Variants in EIF2S2 observed in about 807,000 individuals in gnomAD.
The protein encoded by EIF2S2 is eukaryotic translation initiation factor 2 subunit 2.
Under a neutral mutation model 44.0 loss-of-function variants are expected in EIF2S2, and 4 were observed. The observed-to-expected ratio is 0.09, with a 90% CI of 0.04 to 0.21. The LOEUF (loss-of-function observed/expected upper bound fraction) is 0.21, where lower values mean the gene tolerates loss of function less well. EIF2S2 is among the 10% of genes least tolerant of loss of function. EIF2S2 has a pLI of 1.00. For synonymous variants in EIF2S2, 108 were observed against 128.3 expected (o/e 0.84, Z 1.07); for missense variants, 154 against 392.0 (o/e 0.39, Z 5.13).
intron 4 of EIF2S2, among the ~76,000 whole-genome samples, chr20:34,098,296 G>T (rs577207063): frequency 6.6e-6 from 1 of 151,486 alleles, no homozygotes; most frequent in South Asian, 2.1e-4. Flanking sequence ...GCCTGAATCA[G>T]TATGTTTTTA....
intron 3 of EIF2S2, among the ~76,000 whole-genome samples, chr20:34,098,959 T>C (rs967999255): frequency 3.3e-5 from 5 of 152,220 alleles, no homozygotes; most frequent in African/African-American, 7.2e-5. Context: ...ACTCTGCCAT[T>C]TGAACTGTGA....
Position 34,089,632 on chromosome 20 carries a change from T to C in EIF2S2, c.*98A>G. 1.4e-6 allele frequency: 2 copies of C among 1,395,254 alleles called. No homozygotes were observed. Among genetic ancestry groups the C allele is most frequent in the Non-Finnish European group, 1.9e-6 (2 of 1,048,482 alleles). The allele number at this position is 1,395,254 out of a possible 1,614,324, so 86.4% of individuals were successfully genotyped here. A position where few individuals can be genotyped will look rare whatever the true frequency, so the allele number is the denominator to read the frequency against. On this transcript the variant is annotated 3_prime_UTR_variant, in exon 9 of 9. Coordinates refer to ENST00000374980, the MANE Select transcript of EIF2S2 (RefSeq NM_003908.5). Reference sequence around the variant, plus strand: ...CACTCGCCAAAAATCTTGGCAGCTTTTTTATCTTGTTTTTAATACAACGGT... The same window carrying C: ...CACTCGCCAAAAATCTTGGCAGCTTCTTTATCTTGTTTTTAATACAACGGT...
intron 3 of EIF2S2, among the ~76,000 whole-genome samples, chr20:34,101,675 C>CTTTTT (rs891453441): frequency 7.6e-6 from 1 of 132,424 alleles, no homozygotes; most frequent in African/African-American, 2.8e-5. Context: ...AAGTATTTTT[C>CTTTTT]TTTTTTTTTT....
chr20:34,111,998 G>A, intron 1 of EIF2S2, 98 bp downstream of exon 1: 1 of 1,261,754 alleles, frequency 7.9e-7, no homozygotes, highest in Non-Finnish European at 1.0e-6. Context: ...TCACATGGCG[G>A]CGGCCGGCTG....
chr20:34,105,906 AG>A (rs2034344135), intron 1 of EIF2S2, among the ~76,000 whole-genome samples: 1 of 152,168 alleles, frequency 6.6e-6, no homozygotes, highest in Admixed American at 6.5e-5. Context: ...ACAATACCTA[AG>A]CGGGGTGTAA....
chr20:34,091,232 TACCATGTAC>T (rs1170085982), intron 7 of EIF2S2, among the ~76,000 whole-genome samples: 1 of 152,252 alleles, frequency 6.6e-6, no homozygotes, highest in East Asian at 1.9e-4. Flanking sequence ...TACTGCATCA[TACCATGTAC>T]AAAGCAAGGC....
chr20:34,112,216 G>T lies in EIF2S2; in HGVS notation c.-106C>A. The T allele has an allele frequency of 8.0e-7, 1 of 1,252,734 alleles. No individual in the cohort carries two copies. Among genetic ancestry groups the T allele is most frequent in the South Asian group, 1.7e-5 (1 of 58,694 alleles). The allele number at this position is 1,252,734 out of a possible 1,614,324, so 77.6% of individuals were successfully genotyped here. On this transcript the variant is annotated 5_prime_UTR_variant, in exon 1 of 9. Coordinates refer to ENST00000374980, the MANE Select transcript of EIF2S2 (RefSeq NM_003908.5). Reference sequence around the variant, plus strand: ...CGATACCTCTCCCACCACCGCACTAGGCTCTTGCATCAGCGAAAGGAAACG... The same window carrying T: ...CGATACCTCTCCCACCACCGCACTATGCTCTTGCATCAGCGAAAGGAAACG...
Position 34,112,211 on chromosome 20 carries a change from C to T in EIF2S2, c.-101G>A, listed in dbSNP as rs916868288. 3.1e-6 allele frequency: 4 copies of T among 1,288,740 alleles called. No homozygotes were observed. Among genetic ancestry groups the T allele is most frequent in the East Asian group, 6.0e-5 (2 of 33,576 alleles). 79.8% of individuals were successfully genotyped at this position (1,288,740 alleles called of 1,614,324 possible). A position where few individuals can be genotyped will look rare whatever the true frequency, so the allele number is the denominator to read the frequency against. ...CCTGCCGATACCTCTCCCACCACCG[C>T]ACTAGGCTCTTGCATCAGCGAAAGG... On this transcript the variant is annotated 5_prime_UTR_variant, in exon 1 of 9. Coordinates refer to ENST00000374980, the MANE Select transcript of EIF2S2 (RefSeq NM_003908.5).
intron 8 of EIF2S2, among the ~76,000 whole-genome samples, chr20:34,090,180 C>T (rs2034147013): frequency 1.3e-5 from 2 of 152,226 alleles, no homozygotes; most frequent in Non-Finnish European, 2.9e-5. Flanking sequence ...AGGAGAGCCA[C>T]TCAAACATGT....
chr20:34,093,807 G>A, intron 6 of EIF2S2, 76 bp from the exon 7 acceptor site: 1 of 1,278,124 alleles, frequency 7.8e-7, no homozygotes, highest in East Asian at 2.5e-5. Flanking sequence ...TCTGTTCATT[G>A]TTTTGATCTG....
rs1036443654 is a variant in EIF2S2 at position 34,088,812 on chromosome 20, G to A, written c.*918C>T. The A allele has an allele frequency of 6.6e-6, 1 of 152,144 alleles. No homozygotes were observed. The highest frequency in any genetic ancestry group is 1.5e-5 in the Non-Finnish European group (1 of 68,020). The allele number at this position is 152,144 out of a possible 1,614,324, so 9.4% of individuals were successfully genotyped here. A position where few individuals can be genotyped will look rare whatever the true frequency, so the allele number is the denominator to read the frequency against. On this transcript the variant is annotated 3_prime_UTR_variant, in exon 9 of 9. Coordinates refer to ENST00000374980, the MANE Select transcript of EIF2S2 (RefSeq NM_003908.5). ...GTTTCTCATGGTCATATTCAAAAGC[G>A]ACTTTTAAATCAGAAAATAGAAAAA...
At chr20:34,103,873 A>T (rs1273292011) in intron 2 of EIF2S2, among the ~76,000 whole-genome samples, 1 of 151,788 alleles carries the variant, frequency 6.6e-6, no homozygotes, top group African/African-American at 2.4e-5. Context: ...TGCCCAGCAA[A>T]TTTTTTGTAT....
intron 3 of EIF2S2, among the ~76,000 whole-genome samples, chr20:34,101,567 A>G (rs1350190718): frequency 6.6e-6 from 1 of 152,198 alleles, no homozygotes; most frequent in African/African-American, 2.4e-5. Flanking sequence ...GTTAGCATAC[A>G]CTAGCCAACT....
intron 1 of EIF2S2, 142 bp downstream of exon 1, chr20:34,111,953 GC>G: frequency 6.3e-6 from 6 of 948,842 alleles, no homozygotes; most frequent in Non-Finnish European, 8.4e-6. Flanking sequence ...GTCCTCGCCG[GC>G]TCTGCCGCTC....
intron 6 of EIF2S2, 26 bp from the exon 7 acceptor site, chr20:34,093,757 A>G (rs1164396021): frequency 3.2e-6 from 5 of 1,569,286 alleles, no homozygotes; most frequent in Non-Finnish European, 3.5e-6. Flanking sequence ...AAATATATAA[A>G]CCTTATCTCT....
rs2122386554 is a variant in EIF2S2, at chr20:34,090,502, G to T, written c.826+15C>A. 2 of 1,438,912 alleles carry T rather than the reference G, an allele frequency of 1.4e-6. No individual in the cohort carries two copies. The highest frequency in any genetic ancestry group is 2.2e-4 in the Middle Eastern group (1 of 4,628). 89.1% of individuals were successfully genotyped at this position (1,438,912 alleles called of 1,614,324 possible). ...ACATTTCAGGGTGATCTAATGAAAT[G>T]AATTATACACTTACTGATATATCTT... On this transcript the variant is annotated intron_variant, in intron 8 of 8. Transcript: ENST00000374980.
At chr20:34,110,739 T>C (rs2034403084) in intron 1 of EIF2S2, among the ~76,000 whole-genome samples, 2 of 152,186 alleles carry the variant, frequency 1.3e-5, no homozygotes, top group South Asian at 2.1e-4. Context: ...CCATGGAATC[T>C]TGCACACGTA....
At position 34,089,913 on chromosome 20, in the gene EIF2S2, T is replaced by A. The variant is rs2034143347; in HGVS notation, c.827-8A>T. The A allele has an allele frequency of 6.2e-7, 1 of 1,606,886 alleles. No individual in the cohort carries two copies. Among genetic ancestry groups the A allele is most frequent in the African/African-American group, 1.3e-5 (1 of 74,526 alleles). ...GACAAGTGACATATTCCTCTGCAAA[T>A]AAAGCAACACACAGAATTACCTGGT... On this transcript the variant is annotated splice_region_variant and splice_polypyrimidine_tract_variant and intron_variant, in intron 8 of 8. Coordinates refer to ENST00000374980, the MANE Select transcript of EIF2S2 (RefSeq NM_003908.5).
At chr20:34,109,193 GCTT>G (rs1482835611) in intron 1 of EIF2S2, among the ~76,000 whole-genome samples, 1 of 151,590 alleles carries the variant, frequency 6.6e-6, no homozygotes, top group Non-Finnish European at 1.5e-5. Context: ...TTAATTTAAA[GCTT>G]CTTTTTGCAA....
Sources: gnomAD v4.1 joint callset for allele counts (sites outside exome capture counted in the v4.1 genomes callset) on GRCh38, gnomAD v4.1.1 for gene constraint, MANE v1.5 for transcripts, NCBI Gene and HGNC (gene_info 2026-07-23, HGNC 2026-07-21) for gene names.